Variants in NOL4 observed in about 807,000 individuals in gnomAD.
NOL4 encodes nucleolar protein 4.
A neutral mutation model predicts 75.9 loss-of-function variants in NOL4; 17 were observed. The ratio of observed to expected loss-of-function variants is 0.22; its 90% CI spans 0.15 to 0.34. The LOEUF is 0.34. NOL4 is among the 10% of genes least tolerant of loss of function. NOL4 has a pLI of 1.00. For synonymous variants in NOL4, 292 were observed against 289.9 expected, an observed-to-expected ratio of 1.01 and a Z score of -0.07; for missense variants, 614 against 793.5, an observed-to-expected ratio of 0.77 and a Z score of 2.72.
intron 1 of NOL4, among the ~76,000 whole-genome samples, chr18:34,159,889 C>T (rs1204832655): frequency 6.6e-6 from 1 of 152,044 alleles, no homozygotes; most frequent in African/African-American, 2.4e-5. Flanking sequence ...GGCCTCTCAG[C>T]GGGAGAGGGA....
intron 8 of NOL4, among the ~76,000 whole-genome samples, chr18:33,943,596 A>G (rs1035437824): frequency 2.0e-5 from 3 of 151,982 alleles, no homozygotes; most frequent in Non-Finnish European, 4.4e-5. Context: ...AACCTAATAG[A>G]CACTCAGACC....
intron 9 of NOL4, among the ~76,000 whole-genome samples, chr18:33,922,612 A>T (rs989883879): frequency 6.6e-6 from 1 of 152,156 alleles, no homozygotes; most frequent in African/African-American, 2.4e-5. Flanking sequence ...AATTGTCTTT[A>T]ATTTTTTCCT....
intron 5 of NOL4, among the ~76,000 whole-genome samples, chr18:34,025,635 T>C (rs893977984): frequency 6.6e-5 from 10 of 152,190 alleles, no homozygotes; most frequent in African/African-American, 2.2e-4. Flanking sequence ...GATTGATTGA[T>C]TGATTATCCT....
At chr18:33,970,354 T>C (rs890298904) in intron 6 of NOL4, among the ~76,000 whole-genome samples, 1 of 152,180 alleles carries the variant, frequency 6.6e-6, no homozygotes, top group African/African-American at 2.4e-5. Context: ...TGACACTTTA[T>C]TTTTATCTTT....
rs1481492792 is a variant in NOL4 at position 34,224,037 on chromosome 18, G to C, written c.-784C>G. ...TTCCAGCCCTGTATGTAGATTCTAC[G>C]AGTTAAGTCCCAGAAATTAGCAAAG... On this transcript the variant is annotated 5_prime_UTR_variant, in exon 1 of 11. Transcript: ENST00000261592. 1 of 152,202 alleles carries C rather than the reference G, an allele frequency of 6.6e-6. No individual in the cohort carries two copies. The highest frequency in any genetic ancestry group is 1.5e-5 in the Non-Finnish European group (1 of 68,042). The allele number at this position is 152,202 out of a possible 1,614,324, so 9.4% of individuals were successfully genotyped here. A position where few individuals can be genotyped will look rare whatever the true frequency, so the allele number is the denominator to read the frequency against.
intron 5 of NOL4, among the ~76,000 whole-genome samples, chr18:34,077,920 A>G (rs776518355): frequency 6.6e-6 from 1 of 152,160 alleles, no homozygotes; most frequent in African/African-American, 2.4e-5. Flanking sequence ...TTGGAAAACA[A>G]AGCAAAACAA....
At chr18:34,023,687 G>C in intron 5 of NOL4, 1 of 284,130 alleles carries the variant, frequency 3.5e-6, no homozygotes. Context: ...GTGATGACAA[G>C]GAAGTGTGGA....
intron 10 of NOL4, among the ~76,000 whole-genome samples, chr18:33,860,071 C>A (rs2063029284): frequency 6.6e-6 from 1 of 152,012 alleles, no homozygotes; most frequent in Non-Finnish European, 1.5e-5. Flanking sequence ...TACAAGGTGG[C>A]AGGCGAGAGA....
intron 6 of NOL4, among the ~76,000 whole-genome samples, chr18:34,003,234 T>A (rs529581959): frequency 1.2e-3 from 186 of 152,268 alleles, no homozygotes; most frequent in African/African-American, 4.4e-3. Flanking sequence ...CATGTAAGTA[T>A]GCTGCCTAGT....
At chr18:34,165,101 GAA>G (rs1339699527) in intron 1 of NOL4, among the ~76,000 whole-genome samples, 2 of 124,726 alleles carry the variant, frequency 1.6e-5, no homozygotes, top group East Asian at 5.2e-4. Context: ...TGGGGTGGGG[GAA>G]GGGGGGAGGG....
chr18:34,168,009 T>C (rs2032597546), intron 1 of NOL4, among the ~76,000 whole-genome samples: 1 of 152,068 alleles, frequency 6.6e-6, no homozygotes, highest in African/African-American at 2.4e-5. Context: ...TTTTTTTCTG[T>C]TTTATTTTAT....
intron 5 of NOL4, among the ~76,000 whole-genome samples, chr18:34,081,761 T>C (rs936419498): frequency 1.3e-5 from 2 of 152,180 alleles, no homozygotes; most frequent in African/African-American, 2.4e-5. Context: ...CATTTTCCTA[T>C]TGTCCTTTCC....
intron 10 of NOL4, among the ~76,000 whole-genome samples, chr18:33,865,524 C>A (rs62097768): frequency 0.062 from 9,358 of 151,966 alleles, 406 homozygotes; most frequent in East Asian, 0.13. Context: ...TCTTTCAATA[C>A]TTCTGCAAGA....
intron 10 of NOL4, among the ~76,000 whole-genome samples, chr18:33,875,110 A>G (rs925872278): frequency 6.6e-6 from 1 of 152,024 alleles, no homozygotes; most frequent in Non-Finnish European, 1.5e-5. Context: ...GAGTTTGTAG[A>G]GCAGAAACAT....
At chr18:34,141,182 G>A (rs1301170646) in intron 1 of NOL4, among the ~76,000 whole-genome samples, 1 of 152,118 alleles carries the variant, frequency 6.6e-6, no homozygotes, top group Non-Finnish European at 1.5e-5. Flanking sequence ...CGAAATAAAA[G>A]AGGACACAAA....
intron 6 of NOL4, among the ~76,000 whole-genome samples, chr18:33,974,953 TG>T (rs2071376345): frequency 6.6e-6 from 1 of 152,196 alleles, no homozygotes; most frequent in Admixed American, 6.5e-5. Flanking sequence ...AAATAAAATG[TG>T]GTATATACAT....
At chr18:34,139,667 T>C (rs994245872) in intron 1 of NOL4, among the ~76,000 whole-genome samples, 1 of 152,190 alleles carries the variant, frequency 6.6e-6, no homozygotes, top group African/African-American at 2.4e-5. Flanking sequence ...TTTTTTTGTG[T>C]CTCTATATCC....
chr18:34,034,253 G>A (rs2075779128), intron 5 of NOL4, among the ~76,000 whole-genome samples: 1 of 151,740 alleles, frequency 6.6e-6, no homozygotes, highest in Non-Finnish European at 1.5e-5. Flanking sequence ...AGCATGACAG[G>A]AACAAAATCT....
intron 6 of NOL4, among the ~76,000 whole-genome samples, chr18:34,003,533 T>C (rs2073857810): frequency 6.6e-6 from 1 of 152,106 alleles, no homozygotes; most frequent in African/African-American, 2.4e-5. Context: ...AACCACATAT[T>C]TCCTGCTGCT....
Sources: allele counts gnomAD v4.1 joint callset (sites outside exome capture counted in the v4.1 genomes callset), GRCh38; gene constraint gnomAD v4.1.1; transcripts MANE v1.5; gene names NCBI Gene and HGNC (gene_info 2026-07-23, HGNC 2026-07-21).